Variants in PPARG observed in about 807,000 individuals in gnomAD.
PPARG encodes the protein peroxisome proliferator activated receptor gamma.
PPARG carries 17 observed loss-of-function variants against 39.2 expected under a neutral mutation model. The observed-to-expected ratio is 0.43, with a 90% CI of 0.30 to 0.65. PPARG has a LOEUF of 0.65. PPARG is among the 30% of genes least tolerant of loss of function. PPARG has a pLI of 0.13. For synonymous variants in PPARG, 223 were observed against 215.7 expected, an observed-to-expected ratio of 1.03 and a Z score of -0.30; for missense variants, 406 against 585.9, an observed-to-expected ratio of 0.69 and a Z score of 3.17.
At chr3:12,387,249 T>A (rs1344708159) in intron 4 of PPARG, among the ~76,000 whole-genome samples, 1 of 152,236 alleles carries the variant, frequency 6.6e-6, no homozygotes, top group African/African-American at 2.4e-5. Context: ...ATGGGATTGC[T>A]GGGTCAAATG....
chr3:12,405,911 G>A lies in PPARG; in HGVS notation c.559G>A (p.Glu187Lys), dbSNP rs766913119. 7 of 1,614,038 alleles carry A rather than the reference G, an allele frequency of 4.3e-6. No individual in the cohort carries two copies. The highest frequency in any genetic ancestry group is 3.3e-5 in the Admixed American group (2 of 60,008). ...CAGGTTTGGGCGGATGCCACAGGCC[G>A]AGAAGGAGAAGCTGTTGGCGGAGAT... The part of the protein sequence containing the change: ...AIRFGRMPQA[E>K]KEKLLAEISS... Residue 187 changes from glutamate (E) to lysine (K), a missense_variant, in exon 6 of 8, where the codon GAG (glutamate) becomes AAG (lysine). Glu to Lys is a moderately conservative substitution (Grantham distance 56, BLOSUM62 1). This residue lies in a region of PPARG where 275 missense variants were observed against 458.0 expected (regional missense o/e 0.60). Transcript: ENST00000651735.
At chr3:12,292,268 T>C (rs2046666845) in intron 1 of PPARG, among the ~76,000 whole-genome samples, 1 of 152,244 alleles carries the variant, frequency 6.6e-6, no homozygotes, top group Non-Finnish European at 1.5e-5. Context: ...CCTCTTATGT[T>C]AATATTATAC....
chr3:12,423,463 C>T (rs2051329980), intron 7 of PPARG, among the ~76,000 whole-genome samples: 1 of 152,148 alleles, frequency 6.6e-6, no homozygotes, highest in African/African-American at 2.4e-5. Flanking sequence ...AGACTGTTCC[C>T]AGCTCTAAAA....
chr3:12,416,949 C>G lies in PPARG; in HGVS notation c.975C>G (p.Tyr325Ter). 1 of 1,614,066 alleles carries G rather than the reference C, an allele frequency of 6.2e-7. No homozygotes were observed. Among genetic ancestry groups the G allele is most frequent in the Non-Finnish European group, 8.5e-7 (1 of 1,179,994 alleles). Residue 325 changes from tyrosine (Y) to a stop codon, truncating the protein, a stop_gained, in exon 7 of 8, where the codon TAC becomes TAG. Transcript: ENST00000651735. LOFTEE classifies it high-confidence loss of function. ...LLKYGVHEII[Y>*]TMLASLMNKD... ...AATATGGAGTCCACGAGATCATTTA[C>G]ACAATGCTGGCCTCCTTGATGAATA... is the stretch of plus-strand genomic sequence containing the variant.
chr3:12,377,923 A>C (rs1225180216), intron 2 of PPARG, among the ~76,000 whole-genome samples: 1 of 152,240 alleles, frequency 6.6e-6, no homozygotes, highest in Non-Finnish European at 1.5e-5. Flanking sequence ...AACAAACTCA[A>C]TTGCAAGAAA....
intron 1 of PPARG, among the ~76,000 whole-genome samples, chr3:12,306,231 T>A (rs2124971596): frequency 6.6e-6 from 1 of 152,290 alleles, no homozygotes; most frequent in South Asian, 2.1e-4. Context: ...ACATGCACAG[T>A]TCACAATAGG....
intron 1 of PPARG, among the ~76,000 whole-genome samples, chr3:12,312,179 G>C (rs1413256455): frequency 6.6e-6 from 1 of 152,192 alleles, no homozygotes; most frequent in Non-Finnish European, 1.5e-5. Context: ...GATTTATGAT[G>C]AATCATTTTG....
chr3:12,414,220 G>A (rs1419571049), intron 6 of PPARG, among the ~76,000 whole-genome samples: 2 of 152,204 alleles, frequency 1.3e-5, no homozygotes, highest in African/African-American at 4.8e-5. Flanking sequence ...CTTTCCACAT[G>A]TGAAAAGGTG....
chr3:12,350,575 C>G (rs567341310), intron 2 of PPARG, among the ~76,000 whole-genome samples: 1 of 152,316 alleles, frequency 6.6e-6, no homozygotes, highest in African/African-American at 2.4e-5. Flanking sequence ...AGACCTGCTC[C>G]CACATCGGTA....
upstream of PPARG, chr3:12,287,928 T>TCGGAGC (rs1185696952): frequency 1.8e-4 from 25 of 139,136 alleles, no homozygotes; most frequent in East Asian, 5.2e-3. Flanking sequence ...CCCAGCGCAC[T>TCGGAGC]CGGAGCCCGA....
intron 2 of PPARG, among the ~76,000 whole-genome samples, chr3:12,356,538 G>A (rs2048671849): frequency 6.6e-6 from 1 of 152,152 alleles, no homozygotes; most frequent in African/African-American, 2.4e-5. Flanking sequence ...ATCACCTCAT[G>A]CCAGGTTTTT....
At chr3:12,409,644 A>G (rs993838500) in intron 6 of PPARG, among the ~76,000 whole-genome samples, 4 of 151,698 alleles carry the variant, frequency 2.6e-5, no homozygotes, top group African/African-American at 9.7e-5. Flanking sequence ...CAGCAGAGCA[A>G]TTTGCATTTC....
chr3:12,370,666 G>A (rs1332790561), intron 2 of PPARG, among the ~76,000 whole-genome samples: 1 of 152,026 alleles, frequency 6.6e-6, no homozygotes, highest in African/African-American at 2.4e-5. Context: ...GTGTATTCTC[G>A]TGAACATTAG....
intron 1 of PPARG, among the ~76,000 whole-genome samples, chr3:12,289,403 A>G (rs2046594084): frequency 2.0e-5 from 3 of 152,198 alleles, no homozygotes; most frequent in Admixed American, 1.3e-4. Context: ...TGTAAAGTTT[A>G]TTTGTGTAAA....
chr3:12,322,023 C>T (rs1333175237), intron 2 of PPARG, among the ~76,000 whole-genome samples: 1 of 152,110 alleles, frequency 6.6e-6, no homozygotes, highest in African/African-American at 2.4e-5. Flanking sequence ...GATCAACATG[C>T]GATGCAAAGC....
intron 2 of PPARG, among the ~76,000 whole-genome samples, chr3:12,341,233 G>A (rs1014732228): frequency 6.6e-6 from 1 of 151,912 alleles, no homozygotes; most frequent in Non-Finnish European, 1.5e-5. Context: ...TGGGTGTCCC[G>A]TTAACTGTCC....
At chr3:12,350,739 G>A (rs1267962326) in intron 2 of PPARG, among the ~76,000 whole-genome samples, 4 of 152,136 alleles carry the variant, frequency 2.6e-5, no homozygotes, top group Non-Finnish European at 5.9e-5. Flanking sequence ...TTCTCATAGA[G>A]AACTCCATTT....
At chr3:12,428,720 G>C (rs1330859181) in intron 7 of PPARG, among the ~76,000 whole-genome samples, 1 of 152,204 alleles carries the variant, frequency 6.6e-6, no homozygotes, top group African/African-American at 2.4e-5. Context: ...TGGAGGGTAG[G>C]GAACAACCCT....
intron 6 of PPARG, among the ~76,000 whole-genome samples, chr3:12,407,892 A>G (rs894164317): frequency 6.6e-6 from 1 of 152,024 alleles, no homozygotes; most frequent in Non-Finnish European, 1.5e-5. Flanking sequence ...TTTACAGTAT[A>G]AAAAAAACCT....
Sources: allele counts gnomAD v4.1 joint callset (sites outside exome capture counted in the v4.1 genomes callset), GRCh38; gene constraint gnomAD v4.1.1; regional missense constraint gnomAD v4.1.1; transcripts MANE v1.5; gene names NCBI Gene and HGNC (gene_info 2026-07-23, HGNC 2026-07-21).